The following NDUFAF2 variants were observed in gnomAD, a reference collection of about 807,000 sequenced individuals.
NDUFAF2 encodes the protein NADH:ubiquinone oxidoreductase complex assembly factor 2, also known as NADH dehydrogenase [ubiquinone] 1 alpha subcomplex assembly factor 2.
In NDUFAF2, 13 loss-of-function variants were observed where a neutral mutation model predicts 22.8. The ratio of observed to expected loss-of-function variants is 0.57; its 90% CI spans 0.37 to 0.91. NDUFAF2 has a LOEUF of 0.91. Ranked by LOEUF, NDUFAF2 falls within the 40% of genes least tolerant of loss-of-function variation. The pLI, the probability that NDUFAF2 is intolerant of heterozygous loss-of-function variation, is 0.01. For synonymous variants in NDUFAF2, 53 were observed against 64.2 expected (o/e 0.83, Z 0.84); for missense variants, 162 against 195.2 (o/e 0.83, Z 1.01).
chr5:60,985,645 G>A (rs1467408184), intron 1 of NDUFAF2, among the ~76,000 whole-genome samples: 47 of 152,094 alleles, frequency 3.1e-4, no homozygotes, highest in East Asian at 5.8e-4. Context: ...CCTTCATTTC[G>A]TTATGTACCC....
At chr5:61,062,741 C>T (rs1446909707) in intron 1 of NDUFAF2, among the ~76,000 whole-genome samples, 2 of 152,096 alleles carry the variant, frequency 1.3e-5, no homozygotes, top group Admixed American at 6.6e-5. Context: ...CAAAGAGCTC[C>T]TGTTTGAAGC....
At chr5:61,027,820 T>C (rs1164300938) in intron 1 of NDUFAF2, among the ~76,000 whole-genome samples, 3 of 152,032 alleles carry the variant, frequency 2.0e-5, no homozygotes, top group Non-Finnish European at 2.9e-5. Flanking sequence ...TCAATGTCTT[T>C]ATTTCTCTTT....
rs531912612 is a variant in NDUFAF2 at position 61,092,441 on chromosome 5, T to C, written c.218-6551T>C. Among the ~76,000 whole-genome samples, 308 of 151,992 alleles carry C rather than the reference T, an allele frequency of 2.0e-3. 2 individuals are homozygous for C. Among genetic ancestry groups the C allele is most frequent in the African/African-American group, 7.2e-3 (297 of 41,526 alleles). The stretch of plus-strand genomic sequence containing the variant: ...ATCGAGATCTTTCACCTCCACTGTA[T>C]TCCTAGGTACTTAATTCTTTTTGTG... On this transcript the variant is annotated intron_variant, in intron 2 of 3. Coordinates refer to ENST00000296597, the MANE Select transcript of NDUFAF2 (RefSeq NM_174889.5).
chr5:61,046,316 G>A (rs1751953902), intron 1 of NDUFAF2, among the ~76,000 whole-genome samples: 1 of 152,224 alleles, frequency 6.6e-6, no homozygotes, highest in South Asian at 2.1e-4. Flanking sequence ...TTAGGGTAAT[G>A]CTGGCCTCAT....
chr5:61,088,087 C>A (rs939592861), intron 2 of NDUFAF2, among the ~76,000 whole-genome samples: 1 of 151,986 alleles, frequency 6.6e-6, no homozygotes, highest in Non-Finnish European at 1.5e-5. Context: ...GCATTCAGTT[C>A]ATTGCTGTTG....
chr5:60,971,322 C>A lies in NDUFAF2; in HGVS notation c.127+25940C>A, dbSNP rs1421074158. 2.0e-5 allele frequency among the ~76,000 whole-genome samples: 3 copies of A among 147,238 alleles called. No individual in the cohort carries two copies. The East Asian group carries it at 6.0e-4, about 30-fold the overall frequency. ...TTCTTTTTTGAGACAGAGTCTGGCT[C>A]TTTCGCCCAGGCTGGAGTGCAGTGG... On this transcript the variant is annotated intron_variant, in intron 1 of 3. Coordinates refer to ENST00000296597, the MANE Select transcript of NDUFAF2 (RefSeq NM_174889.5).
intron 1 of NDUFAF2, among the ~76,000 whole-genome samples, chr5:60,968,063 T>G (rs1750780638): frequency 6.6e-6 from 1 of 151,816 alleles, no homozygotes; most frequent in Non-Finnish European, 1.5e-5. Flanking sequence ...ATGATTAAGT[T>G]CTGTTAATTG....
At chr5:61,038,526 A>G (rs1347756963) in intron 1 of NDUFAF2, among the ~76,000 whole-genome samples, 1 of 152,180 alleles carries the variant, frequency 6.6e-6, no homozygotes, top group Non-Finnish European at 1.5e-5. Flanking sequence ...CATAGTTTAC[A>G]GTAAGAGCCA....
At chr5:61,018,915 C>G (rs1053858018) in intron 1 of NDUFAF2, among the ~76,000 whole-genome samples, 1 of 151,898 alleles carries the variant, frequency 6.6e-6, no homozygotes, top group African/African-American at 2.4e-5. Flanking sequence ...CTTTTTAGTT[C>G]CTAAGAAAAT....
intron 3 of NDUFAF2, among the ~76,000 whole-genome samples, chr5:61,134,546 C>T (rs1043219850): frequency 1.3e-5 from 2 of 152,012 alleles, no homozygotes; most frequent in East Asian, 1.9e-4. Flanking sequence ...ATTAGCCGGA[C>T]GTGGTGGCAC....
chr5:60,961,318 G>A (rs996918044), intron 1 of NDUFAF2, among the ~76,000 whole-genome samples: 13 of 148,604 alleles, frequency 8.7e-5, no homozygotes, highest in African/African-American at 3.0e-4. Context: ...AAATTAGGCC[G>A]GGCACGGTGG....
chr5:61,136,947 G>T (rs374533774), intron 3 of NDUFAF2, among the ~76,000 whole-genome samples: 1 of 152,204 alleles, frequency 6.6e-6, no homozygotes, highest in Admixed American at 6.5e-5. Flanking sequence ...AACTGCAGAA[G>T]TTTGAAGTAA....
intron 3 of NDUFAF2, among the ~76,000 whole-genome samples, chr5:61,122,679 A>T (rs7712364): frequency 0.12 from 18,672 of 152,124 alleles, 1,277 homozygotes; most frequent in African/African-American, 0.17. Flanking sequence ...ATATATTTGA[A>T]TTTTTTAAAC....
intron 3 of NDUFAF2, among the ~76,000 whole-genome samples, chr5:61,100,523 G>A (rs1310479356): frequency 3.0e-5 from 3 of 100,740 alleles, no homozygotes; most frequent in Non-Finnish European, 5.8e-5. Context: ...ATGCTGCTTC[G>A]TACCCTCCCT....
At chr5:60,966,027 A>G (rs1750754295) in intron 1 of NDUFAF2, among the ~76,000 whole-genome samples, 2 of 151,964 alleles carry the variant, frequency 1.3e-5, no homozygotes, top group South Asian at 4.2e-4. Flanking sequence ...TGTCGACAAC[A>G]CTTGTTACCT....
chr5:60,969,715 G>A (rs1750803144), intron 1 of NDUFAF2, among the ~76,000 whole-genome samples: 1 of 152,032 alleles, frequency 6.6e-6, no homozygotes, highest in African/African-American at 2.4e-5. Flanking sequence ...CTGTGGAGAA[G>A]CTTTTTAACT....
intron 1 of NDUFAF2, among the ~76,000 whole-genome samples, chr5:60,981,929 C>G (rs1303920648): frequency 6.6e-6 from 1 of 152,084 alleles, no homozygotes; most frequent in Non-Finnish European, 1.5e-5. Context: ...GGACCCGTCT[C>G]TCACCATATA....
At chr5:61,067,525 T>G (rs1561555701) in intron 1 of NDUFAF2, among the ~76,000 whole-genome samples, 1 of 152,152 alleles carries the variant, frequency 6.6e-6, no homozygotes, top group Non-Finnish European at 1.5e-5. Flanking sequence ...TTCCGTGGTG[T>G]ATATGTGCCA....
chr5:60,949,006 AT>A lies in NDUFAF2; in HGVS notation c.127+3632del, dbSNP rs542281867. The stretch of plus-strand genomic sequence containing the variant: ...TCTAGTAGGTGTGTTGTGGTATCTC[AT>A]TTTTTTTCTTTAGTTTTCTGTTTGC... On this transcript the variant is annotated intron_variant, in intron 1 of 3. Coordinates refer to ENST00000296597, the MANE Select transcript of NDUFAF2 (RefSeq NM_174889.5). Among the ~76,000 whole-genome samples the A allele has an allele frequency of 1.4e-3, 209 of 150,756 alleles. 2 individuals are homozygous for A. Among genetic ancestry groups the A allele is most frequent in the South Asian group, 2.7e-3 (13 of 4,736 alleles).
Sources: gnomAD v4.1 joint callset for allele counts (sites outside exome capture counted in the v4.1 genomes callset) on GRCh38, gnomAD v4.1.1 for gene constraint, MANE v1.5 for transcripts, NCBI Gene and HGNC (gene_info 2026-07-23, HGNC 2026-07-21) for gene names.